Variants in SHC4 observed in about 807,000 individuals in gnomAD.
The protein encoded by SHC4 is SHC adaptor protein 4, also known as SHC-transforming protein 4.
A neutral mutation model predicts 69.4 loss-of-function variants in SHC4; 41 were observed. The observed-to-expected ratio is 0.59, with a 90% confidence interval of 0.46 to 0.77. The LOEUF is 0.77. Ranked by LOEUF, SHC4 falls within the 30% of genes least tolerant of loss-of-function variation. SHC4 has a pLI of 0.00. For synonymous variants in SHC4, 318 were observed against 299.3 expected, an observed-to-expected ratio of 1.06 and a Z score of -0.64; for missense variants, 777 against 783.8, an observed-to-expected ratio of 0.99 and a Z score of 0.10.
At chr15:48,852,915 AAAATAAATAAAT>A (rs35921296) in intron 8 of SHC4, among the ~76,000 whole-genome samples, 5 of 143,010 alleles carry the variant, frequency 3.5e-5, no homozygotes, top group African/African-American at 1.3e-4. Context: ...AAAATATATA[AAAATAAATAAAT>A]AAATAAATAA....
chr15:48,954,517 G>A (rs1371128908), intron 1 of SHC4, among the ~76,000 whole-genome samples: 1 of 152,224 alleles, frequency 6.6e-6, no homozygotes, highest in Non-Finnish European at 1.5e-5. Flanking sequence ...ACAATGAAGA[G>A]TCAATGAAGT....
chr15:48,857,079 G>A (rs1899335169), intron 7 of SHC4, among the ~76,000 whole-genome samples: 1 of 152,182 alleles, frequency 6.6e-6, no homozygotes, highest in Admixed American at 6.5e-5. Flanking sequence ...AATTGTGTGA[G>A]CCAGAGGCAT....
At chr15:48,949,893 A>C (rs1234751851) in intron 1 of SHC4, among the ~76,000 whole-genome samples, 2 of 144,948 alleles carry the variant, frequency 1.4e-5, no homozygotes, top group African/African-American at 5.0e-5. Flanking sequence ...TATGTATACA[A>C]GTTATAAATT....
intron 11 of SHC4, among the ~76,000 whole-genome samples, chr15:48,833,901 C>T (rs567418813): frequency 6.6e-6 from 1 of 152,312 alleles, no homozygotes; most frequent in East Asian, 1.9e-4. Flanking sequence ...GGTACTGAAA[C>T]TTTTGAAGTG....
chr15:48,937,875 C>G (rs2141031801), intron 1 of SHC4, among the ~76,000 whole-genome samples: 1 of 152,244 alleles, frequency 6.6e-6, no homozygotes, highest in Middle Eastern at 3.4e-3. Flanking sequence ...TCTCCTTGAC[C>G]AAAATATTCC....
intron 2 of SHC4, among the ~76,000 whole-genome samples, chr15:48,895,880 C>T (rs975861691): frequency 1.3e-5 from 2 of 152,142 alleles, no homozygotes; most frequent in African/African-American, 4.8e-5. Flanking sequence ...TCCAGGACTT[C>T]GAGACCAACT....
At chr15:48,849,172 G>A (rs772533089) in intron 9 of SHC4, among the ~76,000 whole-genome samples, 3 of 152,004 alleles carry the variant, frequency 2.0e-5, no homozygotes, top group Non-Finnish European at 4.4e-5. Flanking sequence ...AGTGATCTGG[G>A]AACTGGTCCT....
At chr15:48,886,193 G>GT (rs1324830970) in intron 3 of SHC4, among the ~76,000 whole-genome samples, 1 of 152,050 alleles carries the variant, frequency 6.6e-6, no homozygotes, top group African/African-American at 2.4e-5. Flanking sequence ...GGAGGCGGAG[G>GT]TCACAGTGAG....
At chr15:48,840,817 A>C (rs918367216) in intron 10 of SHC4, among the ~76,000 whole-genome samples, 1 of 152,172 alleles carries the variant, frequency 6.6e-6, no homozygotes, top group African/African-American at 2.4e-5. Flanking sequence ...GGAGCCCAAG[A>C]GCGCTATGGT....
intron 1 of SHC4, among the ~76,000 whole-genome samples, chr15:48,956,653 C>G (rs1190054876): frequency 6.6e-6 from 1 of 152,154 alleles, no homozygotes; most frequent in Non-Finnish European, 1.5e-5. Context: ...TACCACCCTC[C>G]ATCTCTCTAA....
intron 1 of SHC4, among the ~76,000 whole-genome samples, chr15:48,959,406 T>C (rs1022047392): frequency 1.3e-5 from 2 of 152,264 alleles, no homozygotes; most frequent in Non-Finnish European, 2.9e-5. Context: ...ATTTTGTTCA[T>C]GGATGCCCAG....
At chr15:48,904,275 A>G (rs978948611) in intron 2 of SHC4, among the ~76,000 whole-genome samples, 6 of 152,126 alleles carry the variant, frequency 3.9e-5, no homozygotes, top group Non-Finnish European at 5.9e-5. Context: ...ACCTTGGTAA[A>G]TTTTTTAATT....
rs766950039 is a variant in SHC4 at position 48,904,916 on chromosome 15, GCA to G, written c.657-14107_657-14106del. On this transcript the variant is annotated intron_variant, in intron 2 of 11. Coordinates refer to ENST00000332408, the MANE Select transcript of SHC4 (RefSeq NM_203349.4). ...TCCTGTCTCTAAACACGACACACAC[GCA>G]CACACACACACACACAGACACAACA... 4.8e-3 allele frequency among the ~76,000 whole-genome samples: 643 copies of G among 132,780 alleles called. 6 individuals carry two copies. The highest frequency in any genetic ancestry group is 0.016 in the African/African-American group (567 of 35,386). 87.1% of individuals were successfully genotyped at this position (132,780 alleles called of 152,430 possible). A position where few individuals can be genotyped will look rare whatever the true frequency, so the allele number is the denominator to read the frequency against.
chr15:48,963,348 A>C lies in SHC4; in HGVS notation c.-333T>G. 3.5e-6 allele frequency: 1 copy of C among 284,648 alleles called. No homozygotes were observed. The highest frequency in any genetic ancestry group is 6.6e-6 in the Non-Finnish European group (1 of 151,992). The allele number at this position is 284,648 out of a possible 1,614,324, so 17.6% of individuals were successfully genotyped here. On this transcript the variant is annotated 5_prime_UTR_variant, in exon 1 of 12. Transcript: ENST00000332408. ...AACTCTTAGGCGCAGAACCCGGGCGAGCGCCGGTCGGGGGGCCCGCTGCAT... is the reference window on the plus strand; with the variant it reads ...AACTCTTAGGCGCAGAACCCGGGCGCGCGCCGGTCGGGGGGCCCGCTGCAT...
chr15:48,872,205 A>G, intron 4 of SHC4, 63 bp from the exon 5 acceptor site: 1 of 1,011,932 alleles, frequency 9.9e-7, no homozygotes, highest in Non-Finnish European at 1.5e-6. Flanking sequence ...TATACAGTCT[A>G]ACAGTAATAG....
intron 10 of SHC4, among the ~76,000 whole-genome samples, chr15:48,841,185 T>A (rs557934266): frequency 3.7e-4 from 56 of 152,276 alleles, no homozygotes; most frequent in African/African-American, 1.1e-3. Flanking sequence ...ACCCACTAAA[T>A]AAGTTCTCTG....
chr15:48,904,337 AT>A (rs1468471605), intron 2 of SHC4, among the ~76,000 whole-genome samples: 1 of 152,212 alleles, frequency 6.6e-6, no homozygotes, highest in East Asian at 1.9e-4. Flanking sequence ...AGTAATATCT[AT>A]TTTATAAATG....
intron 10 of SHC4, among the ~76,000 whole-genome samples, chr15:48,836,610 A>T (rs1464732021): frequency 6.6e-6 from 1 of 151,892 alleles, no homozygotes; most frequent in Non-Finnish European, 1.5e-5. Flanking sequence ...CTTTATCTTT[A>T]TAAACACAAA....
At chr15:48,877,169 G>GTT (rs1326724121) in intron 4 of SHC4, 1 of 153,010 alleles carries the variant, frequency 6.5e-6, no homozygotes, top group Non-Finnish European at 1.5e-5. Flanking sequence ...ATTTTCCACA[G>GTT]TAACAGCAAC....
Sources: allele counts gnomAD v4.1 joint callset (sites outside exome capture counted in the v4.1 genomes callset), GRCh38; gene constraint gnomAD v4.1.1; transcripts MANE v1.5; gene names NCBI Gene and HGNC (gene_info 2026-07-23, HGNC 2026-07-21).